ATF7IP: variants seen among roughly 807,000 people sequenced by gnomAD.
ATF7IP encodes the protein activating transcription factor 7-interacting protein 1.
Under a neutral mutation model 106.4 loss-of-function variants are expected in ATF7IP, and 23 were observed. The ratio of observed to expected loss-of-function variants is 0.22; its 90% CI spans 0.16 to 0.31. The LOEUF (loss-of-function observed/expected upper bound fraction) is 0.31, where lower values mean the gene tolerates loss of function less well. ATF7IP is among the 10% of genes least tolerant of loss of function. The pLI, the probability that ATF7IP is intolerant of heterozygous loss-of-function variation, is 1.00. For missense variants in ATF7IP, 1,334 were observed against 1,524.3 expected (o/e 0.88, Z 2.08); for synonymous variants, 542 against 539.0 (o/e 1.01, Z -0.08).
At chr12:14,385,734 A>G (rs1176766571) in intron 1 of ATF7IP, among the ~76,000 whole-genome samples, 2 of 152,064 alleles carry the variant, frequency 1.3e-5, no homozygotes, top group African/African-American at 2.4e-5. Context: ...TTAAAACAAT[A>G]TATTATCTGA....
Position 14,461,088 on chromosome 12 carries a change from A to G in ATF7IP, c.2752A>G (p.Thr918Ala), listed in dbSNP as rs1483007941. ...QMKIPISAFS[T>A]SSAAEQNSNT... ...GAAAATTCCAATTTCTGCATTTAGT[A>G]CTTCGTCTGCTGCAGAACAGAACAG... The change falls in exon 9 of 15, where the codon ACT becomes GCT. Residue 918 changes from threonine to alanine, a missense_variant. Around this residue, in one of 10 missense-constraint regions of ATF7IP, gnomAD observed 370 missense variants for 401.2 expected, o/e 0.92. Transcript: ENST00000261168. 3 of 1,614,026 alleles carry G rather than the reference A, an allele frequency of 1.9e-6. No homozygotes were observed. The highest frequency in any genetic ancestry group is 2.7e-5 in the African/African-American group (2 of 74,926).
At chr12:14,369,571 G>C (rs1021232379) in intron 1 of ATF7IP, among the ~76,000 whole-genome samples, 2 of 152,128 alleles carry the variant, frequency 1.3e-5, no homozygotes, top group Non-Finnish European at 2.9e-5. Context: ...CTCCTGACCT[G>C]AGGTGATCTG....
intron 6 of ATF7IP, among the ~76,000 whole-genome samples, chr12:14,456,179 G>A (rs984286878): frequency 2.6e-5 from 4 of 152,092 alleles, no homozygotes; most frequent in Non-Finnish European, 5.9e-5. Context: ...CTACATAGTA[G>A]GCATTCACTA....
intron 5 of ATF7IP, among the ~76,000 whole-genome samples, chr12:14,446,611 A>G (rs1942971973): frequency 6.6e-6 from 1 of 152,244 alleles, no homozygotes; most frequent in Non-Finnish European, 1.5e-5. Context: ...TATGACTTAC[A>G]GATATTTCCA....
At chr12:14,385,401 G>A (rs1449596674) in intron 1 of ATF7IP, 2 of 1,533,110 alleles carry the variant, frequency 1.3e-6, no homozygotes. Flanking sequence ...AGGACCAGAG[G>A]TAAGAACCAA....
At chr12:14,449,042 A>G (rs1943093879) in intron 6 of ATF7IP, among the ~76,000 whole-genome samples, 1 of 151,780 alleles carries the variant, frequency 6.6e-6, no homozygotes. Context: ...TTCCTTATAT[A>G]TGCTGAATAT....
chr12:14,376,956 C>T (rs949114765), intron 1 of ATF7IP, among the ~76,000 whole-genome samples: 2 of 151,810 alleles, frequency 1.3e-5, no homozygotes, highest in African/African-American at 2.4e-5. Context: ...AATTTTTGTT[C>T]CCTGTCATAC....
At position 14,424,330 on chromosome 12, in the gene ATF7IP, C is replaced by G. The variant is rs1021618669; in HGVS notation, c.415C>G (p.Leu139Val). The change falls in exon 2 of 15, where the codon CTG becomes GTG. Residue 139 changes from leucine to valine, a missense_variant. This residue lies in a region of ATF7IP where 438 missense variants were observed against 405.3 expected (regional missense o/e 1.08). Transcript: ENST00000261168. ...PVSGDPAPGD[L>V]DAGDPASGVL... ...TTCTGGTGATCCAGCCCCTGGTGAT[C>G]TGGATGCCGGAGATCCAGCCTCCGG... 1.2e-6 allele frequency: 2 copies of G among 1,614,110 alleles called. No homozygotes were observed. The highest frequency in any genetic ancestry group is 1.3e-5 in the African/African-American group (1 of 74,942).
chr12:14,373,880 T>C (rs887588382), intron 1 of ATF7IP, among the ~76,000 whole-genome samples: 1 of 152,028 alleles, frequency 6.6e-6, no homozygotes, highest in Admixed American at 6.6e-5. Flanking sequence ...TTGAAAACAT[T>C]ATGATTAGTT....
chr12:14,425,333 G>A lies in ATF7IP; in HGVS notation c.1418G>A (p.Ser473Asn). Residue 473 changes from serine to asparagine, a missense_variant, in exon 2 of 15, where the codon AGT becomes AAT. By Grantham distance (46) the Ser-to-Asn change is conservative. Around this residue, in one of 10 missense-constraint regions of ATF7IP, gnomAD observed 41 missense variants for 60.4 expected, o/e 0.68. Coordinates refer to ENST00000261168, the MANE Select transcript of ATF7IP (RefSeq NM_018179.5). ...TNPDLEEKME[S>N]SFGSPSKQES... ...CCAGATTTGGAAGAGAAAATGGAAAGTTCTTTTGGTTCACCATCTAAACAA... is the reference window on the plus strand; with the variant it reads ...CCAGATTTGGAAGAGAAAATGGAAAATTCTTTTGGTTCACCATCTAAACAA... 10 of 1,611,730 alleles carry A rather than the reference G, an allele frequency of 6.2e-6. No individual in the cohort carries two copies. The highest frequency in any genetic ancestry group is 8.5e-6 in the Non-Finnish European group (10 of 1,179,402).
chr12:14,473,215 A>G (rs543702591), intron 10 of ATF7IP, among the ~76,000 whole-genome samples: 1 of 137,738 alleles, frequency 7.3e-6, no homozygotes, highest in South Asian at 2.4e-4. Flanking sequence ...TTCCTGCTTT[A>G]TTTTGTATCA....
chr12:14,420,074 G>C (rs941088238), intron 1 of ATF7IP: 10 of 152,116 alleles, frequency 6.6e-5, no homozygotes, highest in Non-Finnish European at 1.3e-4. Flanking sequence ...AAAAAGTTAG[G>C]TTTACTATTT....
chr12:14,445,551 T>C (rs1942919733), intron 5 of ATF7IP, among the ~76,000 whole-genome samples: 1 of 152,162 alleles, frequency 6.6e-6, no homozygotes, highest in Non-Finnish European at 1.5e-5. Context: ...GGTAAATCCA[T>C]GTTAAGGATA....
intron 1 of ATF7IP, among the ~76,000 whole-genome samples, chr12:14,372,204 A>G (rs957026309): frequency 6.6e-6 from 1 of 152,114 alleles, no homozygotes; most frequent in Non-Finnish European, 1.5e-5. Flanking sequence ...CACAGAGTAA[A>G]TCAGGGGCTC....
intron 1 of ATF7IP, among the ~76,000 whole-genome samples, chr12:14,406,940 T>A (rs1277925031): frequency 2.0e-5 from 3 of 152,202 alleles, no homozygotes; most frequent in Non-Finnish European, 4.4e-5. Flanking sequence ...CTAACCACTG[T>A]TAAATATTTG....
At chr12:14,383,173 T>C (rs1939068925) in intron 1 of ATF7IP, among the ~76,000 whole-genome samples, 1 of 152,180 alleles carries the variant, frequency 6.6e-6, no homozygotes, top group Non-Finnish European at 1.5e-5. Flanking sequence ...TTATTTAATC[T>C]TATTGGAGAA....
chr12:14,429,036 CT>C (rs1388970683), intron 2 of ATF7IP, among the ~76,000 whole-genome samples: 1 of 152,176 alleles, frequency 6.6e-6, no homozygotes, highest in Non-Finnish European at 1.5e-5. Flanking sequence ...ATACCATATA[CT>C]TTCCTCTAAC....
rs188468887 is a variant in ATF7IP, at chr12:14,441,779, G to A, written c.1929+3512G>A. Among the ~76,000 whole-genome samples, 10 of 151,982 alleles carry A rather than the reference G, an allele frequency of 6.6e-5. No individual in the cohort carries two copies. In the East Asian group the frequency reaches 1.4e-3, roughly 21 times the overall value. On this transcript the variant is annotated intron_variant, in intron 5 of 14. Transcript: ENST00000261168. ...GCTGGGATTACAGGCGTGAGCCACC[G>A]CGCCCTGCCCAGGATACCAAACTCA...
intron 1 of ATF7IP, among the ~76,000 whole-genome samples, chr12:14,374,346 T>G (rs1293356042): frequency 6.9e-6 from 1 of 144,504 alleles, no homozygotes; most frequent in Non-Finnish European, 1.5e-5. Flanking sequence ...ACTCCTGGGC[T>G]CAAGCAATCC....
Sources: gnomAD v4.1 joint callset for allele counts (sites outside exome capture counted in the v4.1 genomes callset) on GRCh38, gnomAD v4.1.1 for gene constraint, gnomAD v4.1.1 regional missense constraint, MANE v1.5 for transcripts, NCBI Gene and HGNC (gene_info 2026-07-23, HGNC 2026-07-21) for gene names.